TLN2: variants seen among roughly 807,000 people sequenced by gnomAD.
The protein encoded by TLN2 is talin 2, also known as talin-2.
TLN2 carries 118 observed loss-of-function variants against 294.7 expected under a neutral mutation model. The ratio of observed to expected loss-of-function variants is 0.40; its 90% CI spans 0.34 to 0.47. TLN2 has a LOEUF of 0.47. TLN2 is among the 20% of genes least tolerant of loss of function. The probability of loss-of-function intolerance (pLI) is 0.84; values close to 1 mark genes in which losing one functional copy is unlikely to be tolerated. For missense variants in TLN2, 3,083 were observed against 3,282.2 expected (o/e 0.94, Z 1.48); for synonymous variants, 1,431 against 1,304.5 (o/e 1.10, Z -2.09).
intron 1 of TLN2, among the ~76,000 whole-genome samples, chr15:62,400,085 GTTC>G (rs762222519): frequency 1.3e-5 from 2 of 152,204 alleles, no homozygotes; most frequent in Non-Finnish European, 2.9e-5. Flanking sequence ...CCGCCATGCT[GTTC>G]TTCTGATAGT....
chr15:62,547,379 A>G (rs1166962186), intron 1 of TLN2, among the ~76,000 whole-genome samples: 3 of 152,172 alleles, frequency 2.0e-5, no homozygotes, highest in African/African-American at 7.2e-5. Flanking sequence ...GTATGTGAAC[A>G]CACACACACA....
At chr15:62,392,518 C>T (rs1164403926) in intron 1 of TLN2, among the ~76,000 whole-genome samples, 1 of 152,178 alleles carries the variant, frequency 6.6e-6, no homozygotes, top group African/African-American at 2.4e-5. Flanking sequence ...GCAGCGACCT[C>T]TCTGGAGTGA....
intron 1 of TLN2, among the ~76,000 whole-genome samples, chr15:62,578,474 G>A (rs539171310): frequency 1.2e-3 from 181 of 152,270 alleles, no homozygotes; most frequent in African/African-American, 4.1e-3. Context: ...GGCTGAGGCA[G>A]GAGAATCACT....
intron 12 of TLN2, among the ~76,000 whole-genome samples, chr15:62,687,404 G>A (rs576996749): frequency 1.2e-4 from 19 of 152,342 alleles, no homozygotes; most frequent in South Asian, 6.2e-4. Context: ...GATTGAATAA[G>A]ATGAAGATAA....
chr15:62,765,213 A>C (rs2062923355), intron 40 of TLN2, among the ~76,000 whole-genome samples: 1 of 152,104 alleles, frequency 6.6e-6, no homozygotes, highest in African/African-American at 2.4e-5. Context: ...GACTATAATC[A>C]CATTATGAAT....
chr15:62,812,162 A>G (rs548046301), intron 52 of TLN2, among the ~76,000 whole-genome samples: 45 of 152,100 alleles, frequency 3.0e-4, no homozygotes, highest in African/African-American at 1.0e-3. Flanking sequence ...CTCTCCCCCT[A>G]TGCTCCATTT....
chr15:62,474,763 C>G (rs1177900699), intron 1 of TLN2, among the ~76,000 whole-genome samples: 1 of 152,172 alleles, frequency 6.6e-6, no homozygotes, highest in Non-Finnish European at 1.5e-5. Context: ...TCATTGGCTT[C>G]TCACGTTTGA....
intron 1 of TLN2, among the ~76,000 whole-genome samples, chr15:62,569,922 C>A (rs774764801): frequency 6.6e-6 from 1 of 152,156 alleles, no homozygotes; most frequent in African/African-American, 2.4e-5. Flanking sequence ...TTTAAAGCTA[C>A]AGTTGATGAA....
chr15:62,434,683 C>T (rs913246592), intron 1 of TLN2, among the ~76,000 whole-genome samples: 4 of 152,214 alleles, frequency 2.6e-5, no homozygotes, highest in Non-Finnish European at 4.4e-5. Context: ...AGTGTATTGT[C>T]AGACTGCCTA....
intron 1 of TLN2, among the ~76,000 whole-genome samples, chr15:62,533,819 G>C (rs62006696): frequency 1.3e-4 from 20 of 152,284 alleles, no homozygotes; most frequent in Non-Finnish European, 2.2e-4. Flanking sequence ...CTGTGTAGAA[G>C]GGCCCCATGC....
At chr15:62,714,284 G>A (rs2140898047) in intron 22 of TLN2, among the ~76,000 whole-genome samples, 1 of 140,872 alleles carries the variant, frequency 7.1e-6, no homozygotes, top group South Asian at 2.4e-4. Flanking sequence ...CTCATTGCAA[G>A]CTCTGCCTCC....
intron 1 of TLN2, among the ~76,000 whole-genome samples, chr15:62,422,579 G>A (rs72753835): frequency 0.048 from 7,345 of 152,254 alleles, 239 homozygotes; most frequent in Non-Finnish European, 0.074. Flanking sequence ...GAGGAGCCCC[G>A]GAGGTCTCCA....
At chr15:62,780,621 A>G (rs767826981) in intron 43 of TLN2, among the ~76,000 whole-genome samples, 18 of 152,278 alleles carry the variant, frequency 1.2e-4, no homozygotes, top group Admixed American at 2.0e-4. Flanking sequence ...GCAACAATTT[A>G]TTCCTAGTGC....
chr15:62,487,248 G>A (rs776480573), intron 1 of TLN2, among the ~76,000 whole-genome samples: 1 of 152,188 alleles, frequency 6.6e-6, no homozygotes, highest in Non-Finnish European at 1.5e-5. Context: ...CAACTTGCGT[G>A]ATGTGTACAT....
At chr15:62,565,910 CTGTGTGTG>C (rs71718001) in intron 1 of TLN2, among the ~76,000 whole-genome samples, 5,943 of 148,448 alleles carry the variant, frequency 0.04, 384 homozygotes, top group African/African-American at 0.14. Flanking sequence ...TGTTTACTAG[CTGTGTGTG>C]TGTGTGTGTG....
chr15:62,393,899 C>T (rs2032310205), intron 1 of TLN2, among the ~76,000 whole-genome samples: 1 of 149,166 alleles, frequency 6.7e-6, no homozygotes, highest in African/African-American at 2.5e-5. Context: ...CCTCAGCCTT[C>T]CAAGTAGCTG....
intron 1 of TLN2, among the ~76,000 whole-genome samples, chr15:62,465,613 T>G (rs1423945111): frequency 6.6e-6 from 1 of 152,182 alleles, no homozygotes; most frequent in Non-Finnish European, 1.5e-5. Flanking sequence ...GGAGAAGGTT[T>G]TGGGAATGGC....
intron 45 of TLN2, 60 bp downstream of exon 45, chr15:62,783,950 G>T (rs2064413045): frequency 2.5e-6 from 4 of 1,603,362 alleles, no homozygotes; most frequent in Non-Finnish European, 2.6e-6. Flanking sequence ...CCACTCCTGG[G>T]TATTTCTTCA....
At chr15:62,610,366 C>G (rs1312462597) in intron 2 of TLN2, among the ~76,000 whole-genome samples, 1 of 152,210 alleles carries the variant, frequency 6.6e-6, no homozygotes. Context: ...GTCAGCCAGT[C>G]AGTACATAAC....
Sources: allele counts gnomAD v4.1 joint callset (sites outside exome capture counted in the v4.1 genomes callset), GRCh38; gene constraint gnomAD v4.1.1; transcripts MANE v1.5; gene names NCBI Gene and HGNC (gene_info 2026-07-23, HGNC 2026-07-21).